Variants in ADGRL3 observed in about 807,000 individuals in gnomAD.
ADGRL3 encodes calcium-independent alpha-latrotoxin receptor 3.
Under a neutral mutation model 153.5 loss-of-function variants are expected in ADGRL3, and 62 were observed. The ratio of observed to expected loss-of-function variants is 0.40; its 90% CI spans 0.33 to 0.50. The LOEUF (loss-of-function observed/expected upper bound fraction) is 0.50, where lower values mean the gene tolerates loss of function less well. Among genes scored for constraint, ADGRL3 ranks in the 20% least tolerant of loss-of-function variants. The pLI is 0.47. For synonymous variants in ADGRL3, 710 were observed against 672.5 expected, an observed-to-expected ratio of 1.06 and a Z score of -0.86; for missense variants, 1,641 against 1,859.4, an observed-to-expected ratio of 0.88 and a Z score of 2.16.
intron 4 of ADGRL3, among the ~76,000 whole-genome samples, chr4:61,545,791 A>G (rs368331050): frequency 6.6e-6 from 1 of 152,170 alleles, no homozygotes; most frequent in African/African-American, 2.4e-5. Context: ...CTGGGATTAC[A>G]GGCGTAAGCT....
rs190610086 is a variant in ADGRL3 at position 61,915,121 on chromosome 4, A to G, written c.2112+2364A>G. On this transcript the variant is annotated intron_variant, in intron 13 of 26. Coordinates refer to ENST00000683033, the MANE Select transcript of ADGRL3 (RefSeq NM_001387552.1). ...ATTTCAACATTGAACAGAGATTAGGAAGATAAACTTTTAATTTGCATTTTA... is the reference window on the plus strand; with the variant it reads ...ATTTCAACATTGAACAGAGATTAGGGAGATAAACTTTTAATTTGCATTTTA... Among the ~76,000 whole-genome samples, 314 of 152,018 alleles carry G rather than the reference A, an allele frequency of 2.1e-3. 1 individual carries two copies. The highest frequency in any genetic ancestry group is 7.3e-3 in the African/African-American group (304 of 41,520).
intron 2 of ADGRL3, among the ~76,000 whole-genome samples, chr4:61,408,319 T>C (rs2097030563): frequency 6.6e-6 from 1 of 152,112 alleles, no homozygotes; most frequent in South Asian, 2.1e-4. Context: ...TTCTTACCTC[T>C]CTTGCTGAGC....
At chr4:62,000,682 T>C (rs1161701819) in intron 21 of ADGRL3, among the ~76,000 whole-genome samples, 1 of 152,126 alleles carries the variant, frequency 6.6e-6, no homozygotes, top group East Asian at 1.9e-4. Flanking sequence ...ACATAAACCT[T>C]TGATGGTGCT....
At chr4:61,399,040 A>C (rs1013229338) in intron 2 of ADGRL3, among the ~76,000 whole-genome samples, 1 of 151,752 alleles carries the variant, frequency 6.6e-6, no homozygotes. Flanking sequence ...TCTAATTAGA[A>C]ATTAAAGTCC....
intron 2 of ADGRL3, among the ~76,000 whole-genome samples, chr4:61,405,285 C>A (rs973696041): frequency 1.3e-5 from 2 of 151,958 alleles, no homozygotes; most frequent in African/African-American, 4.8e-5. Context: ...AACATACTTT[C>A]ATGTGTGTGT....
intron 8 of ADGRL3, among the ~76,000 whole-genome samples, chr4:61,769,969 G>C (rs529989081): frequency 1.3e-5 from 2 of 152,140 alleles, no homozygotes; most frequent in African/African-American, 2.4e-5. Context: ...CCATCTGGGC[G>C]TACAGGTGCA....
At chr4:61,423,342 A>G (rs1162784544) in intron 2 of ADGRL3, among the ~76,000 whole-genome samples, 3 of 152,222 alleles carry the variant, frequency 2.0e-5, no homozygotes, top group African/African-American at 7.2e-5. Flanking sequence ...AGCCCTTGGA[A>G]CAGCATGGGC....
chr4:62,036,316 T>C (rs868183993), intron 23 of ADGRL3, among the ~76,000 whole-genome samples: 149 of 152,080 alleles, frequency 9.8e-4, no homozygotes, highest in Non-Finnish European at 1.8e-3. Context: ...GTAAATTAAT[T>C]CCAGCCACTC....
intron 6 of ADGRL3, among the ~76,000 whole-genome samples, chr4:61,687,889 A>G (rs1162047130): frequency 6.6e-6 from 1 of 152,048 alleles, no homozygotes; most frequent in African/African-American, 2.4e-5. Context: ...TCTGCTTTGT[A>G]TGTATTATTT....
chr4:61,296,836 A>G (rs1162861143), intron 1 of ADGRL3, among the ~76,000 whole-genome samples: 3 of 152,194 alleles, frequency 2.0e-5, no homozygotes, highest in Non-Finnish European at 4.4e-5. Context: ...GAAAGAAGCA[A>G]TGCTCAAATA....
chr4:61,527,050 A>AT (rs2098567803), intron 4 of ADGRL3, among the ~76,000 whole-genome samples: 1 of 152,060 alleles, frequency 6.6e-6, no homozygotes, highest in South Asian at 2.1e-4. Context: ...TTTGCAACAC[A>AT]TTTTTTAGAC....
chr4:61,359,686 A>G (rs2096252705), intron 1 of ADGRL3, among the ~76,000 whole-genome samples: 1 of 152,074 alleles, frequency 6.6e-6, no homozygotes, highest in Admixed American at 6.5e-5. Context: ...ATGCACTTTT[A>G]TCACTGCTCA....
intron 2 of ADGRL3, among the ~76,000 whole-genome samples, chr4:61,471,281 T>C (rs2097949922): frequency 6.6e-6 from 1 of 151,792 alleles, no homozygotes; most frequent in South Asian, 2.1e-4. Context: ...CTCCTCTATA[T>C]TGACTTATCT....
intron 8 of ADGRL3, among the ~76,000 whole-genome samples, chr4:61,762,765 G>A (rs1321642177): frequency 6.6e-6 from 1 of 152,102 alleles, no homozygotes; most frequent in Admixed American, 6.6e-5. Flanking sequence ...AAAAGATAAA[G>A]AGAAATCTCT....
chr4:61,687,550 G>A (rs1365207015), intron 6 of ADGRL3, among the ~76,000 whole-genome samples: 1 of 152,004 alleles, frequency 6.6e-6, no homozygotes, highest in East Asian at 1.9e-4. Flanking sequence ...TCATGGACTA[G>A]GGAAGGGTGG....
chr4:61,428,129 TG>T (rs1050634563), intron 2 of ADGRL3: 1 of 152,674 alleles, frequency 6.5e-6, no homozygotes, highest in African/African-American at 2.4e-5. Context: ...CAACCTGAGC[TG>T]GGGTCCAAGG....
intron 18 of ADGRL3, among the ~76,000 whole-genome samples, chr4:61,982,507 G>C (rs921011780): frequency 1.3e-5 from 2 of 152,088 alleles, no homozygotes; most frequent in African/African-American, 2.4e-5. Flanking sequence ...GATAACTTCG[G>C]TAAGTTTGTT....
intron 6 of ADGRL3, among the ~76,000 whole-genome samples, chr4:61,720,298 C>G (rs182532167): frequency 6.6e-6 from 1 of 152,094 alleles, no homozygotes; most frequent in Non-Finnish European, 1.5e-5. Flanking sequence ...CCATATTGGC[C>G]AGGCTGGTGT....
intron 1 of ADGRL3, among the ~76,000 whole-genome samples, chr4:61,327,933 G>A (rs905420792): frequency 1.3e-5 from 2 of 152,060 alleles, no homozygotes; most frequent in Non-Finnish European, 2.9e-5. Flanking sequence ...TGAAGAAATG[G>A]AAATTGCTAT....
Sources: allele counts gnomAD v4.1 joint callset (sites outside exome capture counted in the v4.1 genomes callset), GRCh38; gene constraint gnomAD v4.1.1; transcripts MANE v1.5; gene names NCBI Gene and HGNC (gene_info 2026-07-23, HGNC 2026-07-21).